The following CAMTA1 variants were observed in gnomAD, a reference collection of about 807,000 sequenced individuals.
The protein encoded by CAMTA1 is calmodulin-binding transcription activator 1.
In CAMTA1, 27 loss-of-function variants were observed where a neutral mutation model predicts 170.9. The observed-to-expected ratio is 0.16, with a 90% CI of 0.12 to 0.22. CAMTA1 has a LOEUF of 0.22. Among genes scored for constraint, CAMTA1 ranks in the 10% least tolerant of loss-of-function variants. The pLI is 1.00. For missense variants in CAMTA1, 1,619 were observed against 2,217.2 expected (o/e 0.73, Z 5.42); for synonymous variants, 833 against 891.5 (o/e 0.93, Z 1.17).
intron 3 of CAMTA1, among the ~76,000 whole-genome samples, chr1:6,906,948 G>T (rs1188665821): frequency 6.6e-6 from 1 of 152,190 alleles, no homozygotes; most frequent in Non-Finnish European, 1.5e-5. Flanking sequence ...CGCTGTAGAG[G>T]TGGGAGCTGT....
chr1:6,811,696 A>G (rs17441010), intron 1 of CAMTA1, among the ~76,000 whole-genome samples: 5,038 of 152,332 alleles, frequency 0.033, 121 homozygotes, highest in Non-Finnish European at 0.048. Flanking sequence ...AGTGGAGTAC[A>G]TAAGCTTTTG....
Position 7,664,992 on chromosome 1 carries a change from C to G in CAMTA1, c.2445C>G (p.Thr815=), listed in dbSNP as rs772155633. The G allele has an allele frequency of 1.2e-6, 2 of 1,607,028 alleles. No homozygotes were observed. The highest frequency in any genetic ancestry group is 1.1e-5 in the South Asian group (1 of 89,944). ...AGGACGGGGCGCGGGCCCCCTTCACCCAGGCAGAGATGTGCCTCCCCTGCT... is the reference window on the plus strand; with the variant it reads ...AGGACGGGGCGCGGGCCCCCTTCACGCAGGCAGAGATGTGCCTCCCCTGCT... The part of the protein sequence containing the change: ...QSEDGARAPF[T]QAEMCLPCCS... Residue 815 remains threonine, a synonymous_variant, in exon 9 of 23, where the codon ACC becomes ACG. Coordinates refer to ENST00000303635, the MANE Select transcript of CAMTA1 (RefSeq NM_015215.4).
At chr1:7,193,424 C>A (rs901610295) in intron 4 of CAMTA1, among the ~76,000 whole-genome samples, 4 of 151,756 alleles carry the variant, frequency 2.6e-5, no homozygotes, top group African/African-American at 9.7e-5. Flanking sequence ...AAGCCAAATG[C>A]CTTCTGATAT....
At chr1:6,802,836 G>C (rs2148228069) in intron 1 of CAMTA1, among the ~76,000 whole-genome samples, 1 of 152,220 alleles carries the variant, frequency 6.6e-6, no homozygotes, top group African/African-American at 2.4e-5. Context: ...CTGGGCTCAA[G>C]TGATCCTCCC....
chr1:7,408,044 C>G (rs1038498731), intron 5 of CAMTA1, among the ~76,000 whole-genome samples: 2 of 152,200 alleles, frequency 1.3e-5, no homozygotes, highest in Non-Finnish European at 2.9e-5. Flanking sequence ...GGAAGCAGGC[C>G]TGGCACCGGC....
At chr1:7,423,298 G>A (rs368613484) in intron 5 of CAMTA1, among the ~76,000 whole-genome samples, 43 of 152,128 alleles carry the variant, frequency 2.8e-4, no homozygotes, top group African/African-American at 8.7e-4. Flanking sequence ...TAGCGAAACC[G>A]CGTCTCTACT....
intron 3 of CAMTA1, among the ~76,000 whole-genome samples, chr1:6,899,235 G>A (rs190131920): frequency 1.3e-5 from 2 of 152,316 alleles, no homozygotes; most frequent in Non-Finnish European, 2.9e-5. Context: ...TTTTCCTGAT[G>A]GATGGAGCCT....
intron 11 of CAMTA1, among the ~76,000 whole-genome samples, chr1:7,710,892 C>T (rs1013899815): frequency 6.6e-6 from 1 of 152,114 alleles, no homozygotes; most frequent in Admixed American, 6.6e-5. Flanking sequence ...TGTCTCATCT[C>T]TTATTGGCCC....
intron 6 of CAMTA1, among the ~76,000 whole-genome samples, chr1:7,567,422 C>G (rs1320620228): frequency 6.6e-6 from 1 of 152,260 alleles, no homozygotes; most frequent in Non-Finnish European, 1.5e-5. Context: ...AGGTAAGGGA[C>G]AAGTCTGAGT....
At chr1:7,346,251 C>A (rs2084209991) in intron 5 of CAMTA1, among the ~76,000 whole-genome samples, 1 of 152,142 alleles carries the variant, frequency 6.6e-6, no homozygotes, top group African/African-American at 2.4e-5. Flanking sequence ...TGCTGCCTTG[C>A]TGTGTGACCT....
In CAMTA1 at chr1:7,175,056, G is replaced by A. The variant is rs189233758; in HGVS notation, c.303-74435G>A. On this transcript the variant is annotated intron_variant, in intron 4 of 22. Coordinates refer to ENST00000303635, the MANE Select transcript of CAMTA1 (RefSeq NM_015215.4). ...TTGGTACATCCTGGTGTGTGTGTGC[G>A]TGTGTGTGTGTGTATGTGCGTGTCT... Among the ~76,000 whole-genome samples, 531 of 151,424 alleles carry A rather than the reference G, an allele frequency of 3.5e-3. 4 individuals carry two copies. The highest frequency in any genetic ancestry group is 0.012 in the African/African-American group (510 of 41,396).
intron 4 of CAMTA1, among the ~76,000 whole-genome samples, chr1:7,209,496 TGGGAGG>T (rs890193322): frequency 7.2e-5 from 11 of 152,144 alleles, no homozygotes; most frequent in African/African-American, 2.7e-4. Flanking sequence ...GTTCCAGAAC[TGGGAGG>T]GGGAGGCAGC....
At chr1:6,902,070 C>CAA (rs1234511337) in intron 3 of CAMTA1, among the ~76,000 whole-genome samples, 40 of 74,516 alleles carry the variant, frequency 5.4e-4, no homozygotes, top group East Asian at 2.2e-3. Context: ...CACACACACA[C>CAA]ACAAAAAAAA....
chr1:7,016,690 C>G (rs1209607160), intron 3 of CAMTA1, among the ~76,000 whole-genome samples: 5 of 152,096 alleles, frequency 3.3e-5, no homozygotes. Context: ...AAAAAATTAG[C>G]CTTGCGTGGT....
At chr1:7,369,611 G>A (rs979803616) in intron 5 of CAMTA1, among the ~76,000 whole-genome samples, 13 of 152,084 alleles carry the variant, frequency 8.5e-5, no homozygotes, top group African/African-American at 3.1e-4. Context: ...GGGACCACTA[G>A]CGTCTCCCCA....
chr1:7,071,899 G>C (rs1457920089), intron 3 of CAMTA1, among the ~76,000 whole-genome samples: 1 of 152,236 alleles, frequency 6.6e-6, no homozygotes, highest in East Asian at 1.9e-4. Context: ...TGTCCAAGCT[G>C]TCTTTGAGGG....
chr1:6,956,186 G>T lies in CAMTA1; in HGVS notation c.234+130976G>T, dbSNP rs543160886. ...CAGAGATGAACTAGCAGGGCCAGAG[G>T]CTGCTCACTATGGTGGGGTCCCTGA... On this transcript the variant is annotated intron_variant, in intron 3 of 22. Coordinates refer to ENST00000303635, the MANE Select transcript of CAMTA1 (RefSeq NM_015215.4). 3.5e-4 allele frequency among the ~76,000 whole-genome samples: 53 copies of T among 152,288 alleles called. 1 individual carries two copies. Among genetic ancestry groups the T allele is most frequent in the African/African-American group, 1.2e-3 (51 of 41,542 alleles).
intron 5 of CAMTA1, among the ~76,000 whole-genome samples, chr1:7,349,423 A>C (rs541309175): frequency 1.3e-5 from 2 of 152,330 alleles, no homozygotes; most frequent in East Asian, 3.9e-4. Context: ...TCCATATCCC[A>C]GACCTGTCTG....
In CAMTA1 at chr1:7,207,691, T is replaced by A. The variant is rs1658005987; in HGVS notation, c.303-41800T>A. ...GACTCAGGTGTCCTTCCCTTATTTC[T>A]TATGACCAAACCACCGGCTCTGTGC... On this transcript the variant is annotated intron_variant, in intron 4 of 22. Coordinates refer to ENST00000303635, the MANE Select transcript of CAMTA1 (RefSeq NM_015215.4). Among the ~76,000 whole-genome samples the A allele has an allele frequency of 2.0e-5, 3 of 152,176 alleles. No homozygotes were observed. In the South Asian group the frequency reaches 6.2e-4, roughly 32 times the overall value.
Sources: gnomAD v4.1 joint callset for allele counts (sites outside exome capture counted in the v4.1 genomes callset) on GRCh38, gnomAD v4.1.1 for gene constraint, MANE v1.5 for transcripts, NCBI Gene and HGNC (gene_info 2026-07-23, HGNC 2026-07-21) for gene names.